Variants in MED17 observed in about 807,000 individuals in gnomAD.
The protein encoded by MED17 is mediator complex subunit 17.
MED17 carries 49 observed loss-of-function variants against 80.8 expected under a neutral mutation model. The ratio of observed to expected loss-of-function variants is 0.61; its 90% CI spans 0.48 to 0.77. MED17 has a LOEUF of 0.77. Among genes scored for constraint, MED17 ranks in the 30% least tolerant of loss-of-function variants. The pLI, the probability that MED17 is intolerant of heterozygous loss-of-function variation, is 0.00. For synonymous variants in MED17, 281 were observed against 280.4 expected, an observed-to-expected ratio of 1.00 and a Z score of -0.02; for missense variants, 718 against 787.0, an observed-to-expected ratio of 0.91 and a Z score of 1.05.
rs1182439882 is a variant in MED17, at chr11:93,784,706, G to A, written c.193G>A (p.Gly65Ser). The A allele has an allele frequency of 3.9e-6, 6 of 1,551,404 alleles. No individual in the cohort carries two copies. The highest frequency in any genetic ancestry group is 3.4e-4 in the Middle Eastern group (2 of 5,884). Residue 65 changes from glycine to serine, a missense_variant, in exon 1 of 12, where the codon GGC (glycine) becomes AGC (serine). Transcript: ENST00000251871. ...SEEEEAAGTE[G>S]DAQEWPGAGS... ...GGAGGAGGAGGCGGCGGGGACCGAG[G>A]GCGACGCGCAGGAGTGGCCGGGCGC...
chr11:93,787,757 A>G (rs1337264702), intron 1 of MED17, among the ~76,000 whole-genome samples: 1 of 152,224 alleles, frequency 6.6e-6, no homozygotes, highest in Non-Finnish European at 1.5e-5. Flanking sequence ...TTGAGTCTAT[A>G]ATGTTGTAAT....
At chr11:93,803,954 A>G (rs954163055) in intron 9 of MED17, among the ~76,000 whole-genome samples, 4 of 147,514 alleles carry the variant, frequency 2.7e-5, no homozygotes, top group South Asian at 2.2e-4. Flanking sequence ...GAACTAATGG[A>G]ATGTGTATGT....
At chr11:93,797,498 T>C in intron 7 of MED17, 37 bp from the exon 8 acceptor site, 2 of 1,550,780 alleles carry the variant, frequency 1.3e-6, no homozygotes, top group Non-Finnish European at 1.8e-6. Context: ...GCATTTACTA[T>C]GTGGATATTG....
chr11:93,800,828 G>C (rs1943955254), intron 8 of MED17: 1 of 151,922 alleles, frequency 6.6e-6, no homozygotes, highest in East Asian at 1.9e-4. Context: ...ATAGAGACTG[G>C]TTGTCGATAT....
At chr11:93,792,030 G>A (rs1408790772) in intron 3 of MED17, among the ~76,000 whole-genome samples, 1 of 151,904 alleles carries the variant, frequency 6.6e-6, no homozygotes, top group Non-Finnish European at 1.5e-5. Context: ...ATAAATAGTA[G>A]GTTTTACAAG....
Position 93,813,150 on chromosome 11 carries a change from A to T in MED17, c.*1086A>T, listed in dbSNP as rs1944101018. 6.6e-6 allele frequency: 1 copy of T among 152,376 alleles called. No individual in the cohort carries two copies. The highest frequency in any genetic ancestry group is 1.5e-5 in the Non-Finnish European group (1 of 68,032). The allele number at this position is 152,376 out of a possible 1,614,324, so 9.4% of individuals were successfully genotyped here. On this transcript the variant is annotated 3_prime_UTR_variant, in exon 12 of 12. Coordinates refer to ENST00000251871, the MANE Select transcript of MED17 (RefSeq NM_004268.5). ...TTAATATGAGGATAGATTTAGGCTC[A>T]TAAGCCTTTTGGTAACACTGAAAGT...
chr11:93,794,685 A>T (rs1668400058), intron 5 of MED17: 2 of 583,286 alleles, frequency 3.4e-6, no homozygotes, highest in African/African-American at 3.7e-5. Context: ...GGAATGAAAG[A>T]TTGGGGTGGT....
Position 93,784,299 on chromosome 11 carries a change from C to T in MED17, c.-215C>T, listed in dbSNP as rs921357627. 7.8e-6 allele frequency: 5 copies of T among 637,796 alleles called. No individual in the cohort carries two copies. Among genetic ancestry groups the T allele is most frequent in the East Asian group, 2.9e-5 (1 of 34,534 alleles). The allele number at this position is 637,796 out of a possible 1,614,324, so 39.5% of individuals were successfully genotyped here. A position where few individuals can be genotyped will look rare whatever the true frequency, so the allele number is the denominator to read the frequency against. On this transcript the variant is annotated 5_prime_UTR_variant, in exon 1 of 12. Coordinates refer to ENST00000251871, the MANE Select transcript of MED17 (RefSeq NM_004268.5). ...GCCTGCCCAGTTTTGCTCCGAAAGA[C>T]TTACCGAGGAGGGAGCTTGCGGTGC...
intron 9 of MED17, among the ~76,000 whole-genome samples, chr11:93,804,365 C>T (rs1445822423): frequency 5.3e-5 from 8 of 152,106 alleles, no homozygotes; most frequent in African/African-American, 1.9e-4. Context: ...TGTTAATCTC[C>T]TTTGCACCCT....
At chr11:93,810,052 T>G (rs1308009958) in intron 11 of MED17, 176 bp downstream of exon 11, 2 of 662,032 alleles carry the variant, frequency 3.0e-6, no homozygotes, top group African/African-American at 3.6e-5. Flanking sequence ...GATTATTATT[T>G]CTCTTTCTAG....
Position 93,794,910 on chromosome 11 carries a change from TCCC to T in MED17, c.864_866del (p.Pro289del). 1 of 1,614,142 alleles carries T rather than the reference TCCC, an allele frequency of 6.2e-7. No homozygotes were observed. Among genetic ancestry groups the T allele is most frequent in the Non-Finnish European group, 8.5e-7 (1 of 1,179,970 alleles). ...TACATATATTTCTTGTCTTTCAGGT[TCCC>T]CACATTGGCAGACAAAATTAGAAGC... On this transcript the variant is annotated inframe_deletion, in exon 6 of 12. Transcript: ENST00000251871.
intron 1 of MED17, among the ~76,000 whole-genome samples, chr11:93,786,312 T>G (rs928486736): frequency 2.6e-5 from 4 of 152,146 alleles, no homozygotes; most frequent in East Asian, 1.9e-4. Flanking sequence ...ACTGGGAAAT[T>G]AAAACATGAT....
chr11:93,793,781 G>T lies in MED17; in HGVS notation c.691G>T (p.Asp231Tyr). 6.3e-7 allele frequency: 1 copy of T among 1,598,292 alleles called. No homozygotes were observed. The highest frequency in any genetic ancestry group is 8.6e-7 in the Non-Finnish European group (1 of 1,166,368). Reference sequence around the variant, plus strand: ...TGAAGTAATAAAGAATACAGATCTCGATCTGGATAAAAAGATACCTGAAGA... The same window carrying T: ...TGAAGTAATAAAGAATACAGATCTCTATCTGGATAAAAAGATACCTGAAGA... ...TFEVIKNTDL[D>Y]LDKKIPEDYC... The change falls in exon 4 of 12, where the codon GAT becomes TAT. Residue 231 changes from aspartate (D) to tyrosine (Y), a missense_variant. Physicochemically the swap from Asp to Tyr is radical, Grantham distance 160. Transcript: ENST00000251871.
At chr11:93,804,068 G>A in intron 9 of MED17, among the ~76,000 whole-genome samples, 1 of 148,120 alleles carries the variant, frequency 6.8e-6, no homozygotes, top group African/African-American at 2.5e-5. Context: ...CACATAAAGG[G>A]GAGTTTATTA....
intron 6 of MED17, chr11:93,795,993 G>C (rs1016162418): frequency 3.9e-5 from 7 of 178,184 alleles, no homozygotes; most frequent in Middle Eastern, 2.6e-3. Flanking sequence ...TGTTGTCCAG[G>C]CTGGAGTGCA....
At chr11:93,804,001 A>ATG (rs1203952426) in intron 9 of MED17, among the ~76,000 whole-genome samples, 3 of 7,106 alleles carry the variant, frequency 4.2e-4, no homozygotes, top group Non-Finnish European at 6.2e-4. Flanking sequence ...ATGTGTGTGT[A>ATG]TATATATATA....
rs1339672954 is a variant in MED17 at position 93,788,020 on chromosome 11, T to A, written c.270T>A (p.Pro90=). Residue 90 remains proline, a synonymous_variant, in exon 2 of 12, where the codon CCT becomes CCA. Coordinates refer to ENST00000251871, the MANE Select transcript of MED17 (RefSeq NM_004268.5). ...DDEEGVVKFQ[P]SLWPWDSVRN... ...TTTTAGGAGTGGTAAAATTTCAGCC[T>A]TCCCTTTGGCCTTGGGACTCAGTGA... 1.2e-6 allele frequency: 2 copies of A among 1,613,912 alleles called. No individual in the cohort carries two copies. Among genetic ancestry groups the A allele is most frequent in the Non-Finnish European group, 1.7e-6 (2 of 1,179,952 alleles).
intron 6 of MED17, chr11:93,796,164 G>A (rs1943898675): frequency 2.3e-6 from 1 of 438,022 alleles, no homozygotes; most frequent in Non-Finnish European, 4.2e-6. Flanking sequence ...TGTTGGCCAG[G>A]ATGGTCTCAA....
chr11:93,791,062 C>T (rs958273493), intron 3 of MED17, among the ~76,000 whole-genome samples: 16 of 152,122 alleles, frequency 1.1e-4, no homozygotes, highest in African/African-American at 1.9e-4. Context: ...GAGCCAAGAT[C>T]GCACCATTGC....
Sources: allele counts gnomAD v4.1 joint callset (sites outside exome capture counted in the v4.1 genomes callset), GRCh38; gene constraint gnomAD v4.1.1; transcripts MANE v1.5; gene names NCBI Gene and HGNC (gene_info 2026-07-23, HGNC 2026-07-21).